SRSF7: variants seen among roughly 807,000 people sequenced by gnomAD.
The protein encoded by SRSF7 is serine and arginine rich splicing factor 7, also known as serine/arginine-rich splicing factor 7.
In SRSF7, 15 loss-of-function variants were observed where a neutral mutation model predicts 42.2. That is an observed-to-expected ratio of 0.36 (90% confidence interval 0.24 to 0.55). The LOEUF is 0.55. Ranked by LOEUF, SRSF7 falls within the 20% of genes least tolerant of loss-of-function variation. The probability of loss-of-function intolerance (pLI) is 0.88; values close to 1 mark genes in which losing one functional copy is unlikely to be tolerated. For synonymous variants in SRSF7, 138 were observed against 107.9 expected, an observed-to-expected ratio of 1.28 and a Z score of -1.73; for missense variants, 181 against 305.9, an observed-to-expected ratio of 0.59 and a Z score of 3.04.
chr2:38,751,266 C>A lies in SRSF7; in HGVS notation c.-10G>T. The A allele has an allele frequency of 6.2e-7, 1 of 1,614,078 alleles. No homozygotes were observed. The highest frequency in any genetic ancestry group is 1.3e-5 in the African/African-American group (1 of 74,946). ...GCCCGTAACGCGACATGATGACAGA[C>A]CCGCGTGCTCGGCTCTTTAGCAAGC... On this transcript the variant is annotated 5_prime_UTR_variant, in exon 1 of 8. Transcript: ENST00000313117.
Position 38,744,778 on chromosome 2 carries a change from AACCAAC to A in SRSF7, c.*349_*354del. 4.7e-6 allele frequency: 1 copy of A among 212,850 alleles called. No individual in the cohort carries two copies. Among genetic ancestry groups the A allele is most frequent in the Non-Finnish European group, 9.4e-6 (1 of 106,028 alleles). The allele number at this position is 212,850 out of a possible 1,614,324, so 13.2% of individuals were successfully genotyped here. A position where few individuals can be genotyped will look rare whatever the true frequency, so the allele number is the denominator to read the frequency against. ...CATAGAATAGTGATGTTCAAGACTTAACCAACACCTTTCAATTCTGAATGTAGGTAT... is the reference window on the plus strand; with the variant it reads ...CATAGAATAGTGATGTTCAAGACTTAACCTTTCAATTCTGAATGTAGGTAT... On this transcript the variant is annotated 3_prime_UTR_variant, in exon 8 of 8. Transcript: ENST00000313117.
rs34560109 is a variant in SRSF7, at chr2:38,744,499, T to TCA, written c.*633_*634insTG. The TCA allele has an allele frequency of 0.98, 149,806 of 152,440 alleles. 73,617 individuals carry two copies. Among genetic ancestry groups the TCA allele is most frequent in the African/African-American group, 1 (41,351 of 41,548 alleles). 9.4% of individuals were successfully genotyped at this position (152,440 alleles called of 1,614,324 possible). A position where few individuals can be genotyped will look rare whatever the true frequency, so the allele number is the denominator to read the frequency against. ...AATTAGTATAAAGATCATCCAGAAA[T>TCA]GTTTCTATTTCTCATACATTTAATC... On this transcript the variant is annotated 3_prime_UTR_variant, in exon 8 of 8. Coordinates refer to ENST00000313117, the MANE Select transcript of SRSF7 (RefSeq NM_001031684.3).
chr2:38,749,849 C>A (rs1314130446), intron 2 of SRSF7, 144 bp from the exon 3 acceptor site: 4 of 1,247,600 alleles, frequency 3.2e-6, no homozygotes, highest in Non-Finnish European at 3.3e-6. Context: ...CAAGCCCTAA[C>A]TCCATCTCCG....
At chr2:38,751,205 C>A (rs753515619) in intron 1 of SRSF7, 24 bp downstream of exon 1, 1 of 1,613,892 alleles carries the variant, frequency 6.2e-7, no homozygotes, top group South Asian at 1.1e-5. Flanking sequence ...CACCAACGTC[C>A]CTCACCGGAC....
At chr2:38,750,656 T>C (rs1668184648) in intron 1 of SRSF7, among the ~76,000 whole-genome samples, 1 of 149,816 alleles carries the variant, frequency 6.7e-6, no homozygotes, top group African/African-American at 2.5e-5. Context: ...AGACTCCAGC[T>C]CCCCGCCCCA....
At chr2:38,748,523 G>A in intron 4 of SRSF7, 56 bp downstream of exon 4, 1 of 1,541,008 alleles carries the variant, frequency 6.5e-7, no homozygotes, top group South Asian at 1.1e-5. Context: ...TTCTGTGTTG[G>A]ACTACCAGTG....
Position 38,743,907 on chromosome 2 carries a change from TTTTTGTACCAAGGC to T in SRSF7, c.*1212_*1225del. 2 of 151,962 alleles carry T rather than the reference TTTTTGTACCAAGGC, an allele frequency of 1.3e-5. No individual in the cohort carries two copies. Among genetic ancestry groups the T allele is most frequent in the Non-Finnish European group, 2.9e-5 (2 of 67,986 alleles). 9.4% of individuals were successfully genotyped at this position (151,962 alleles called of 1,614,324 possible). ...TCTGCGCAACCAGCAGGTTTTTTTT[TTTTTGTACCAAGGC>T]TAGAGAATGCCTGGTAAAAGCTTGA... On this transcript the variant is annotated 3_prime_UTR_variant, in exon 8 of 8. Coordinates refer to ENST00000313117, the MANE Select transcript of SRSF7 (RefSeq NM_001031684.3).
Position 38,748,610 on chromosome 2 carries a change from A to G in SRSF7, c.430T>C (p.Ser144Pro). The change falls in exon 4 of 8, where the codon TCT (serine) becomes CCT (proline). Residue 144 changes from serine (S) to proline (P), a missense_variant. By Grantham distance (74) the Ser-to-Pro change is moderately conservative. Coordinates refer to ENST00000313117, the MANE Select transcript of SRSF7 (RefSeq NM_001031684.3). ...CCCCTGCTCCTGCTGCGTGAGCGAG[A>G]GTATCGCCTTCCTCTGGATCGAGAA... is the stretch of plus-strand genomic sequence containing the variant. ...SHSRSRGRRY[S>P]RSRSRSRGRR... The G allele has an allele frequency of 6.2e-7, 1 of 1,614,240 alleles. No homozygotes were observed. Among genetic ancestry groups the G allele is most frequent in the Admixed American group, 1.7e-5 (1 of 60,028 alleles).
In SRSF7 at chr2:38,744,927, T is replaced by C; in HGVS notation, c.*206A>G. 2.1e-6 allele frequency: 1 copy of C among 477,274 alleles called. No homozygotes were observed. 29.6% of individuals were successfully genotyped at this position (477,274 alleles called of 1,614,324 possible). A position where few individuals can be genotyped will look rare whatever the true frequency, so the allele number is the denominator to read the frequency against. On this transcript the variant is annotated 3_prime_UTR_variant, in exon 8 of 8. Coordinates refer to ENST00000313117, the MANE Select transcript of SRSF7 (RefSeq NM_001031684.3). ...AAACATTTTATTTAAATGTGCCAAATAAAAACCCACATTTTCAGACCATAT... is the reference window on the plus strand; with the variant it reads ...AAACATTTTATTTAAATGTGCCAAACAAAAACCCACATTTTCAGACCATAT...
In SRSF7 at chr2:38,751,286, G is replaced by A; in HGVS notation, c.-30C>T. The A allele has an allele frequency of 3.7e-6, 6 of 1,613,930 alleles. No individual in the cohort carries two copies. The East Asian group carries it at 1.3e-4, about 36-fold the overall frequency. ...ACAGACCCGCGTGCTCGGCTCTTTA[G>A]CAAGCAGCGCCCAGGGCTCGAGTGA... is the stretch of plus-strand genomic sequence containing the variant. On this transcript the variant is annotated 5_prime_UTR_variant, in exon 1 of 8. Coordinates refer to ENST00000313117, the MANE Select transcript of SRSF7 (RefSeq NM_001031684.3).
chr2:38,749,993 G>A (rs372033881), intron 2 of SRSF7, 21 bp downstream of exon 2: 8 of 1,589,974 alleles, frequency 5.0e-6, no homozygotes, highest in South Asian at 1.1e-5. Flanking sequence ...ATGAACAGAA[G>A]ATTCATAACA....
intron 5 of SRSF7, chr2:38,747,242 T>A (rs955561443): frequency 3.0e-5 from 10 of 338,780 alleles, no homozygotes; most frequent in Admixed American, 1.8e-4. Flanking sequence ...TGGATCAAGT[T>A]ATGTTTGAGA....
At chr2:38,751,476 G>A (rs1201989484), upstream of SRSF7, 6 of 603,666 alleles carry the variant, frequency 9.9e-6, no homozygotes, top group East Asian at 5.9e-5. Context: ...GAAACGACGC[G>A]GAAGGAACTG....
chr2:38,744,386 G>GC lies in SRSF7; in HGVS notation c.*746dup. 6.6e-6 allele frequency: 1 copy of GC among 152,668 alleles called. No homozygotes were observed. The highest frequency in any genetic ancestry group is 2.1e-4 in the South Asian group (1 of 4,820). 9.5% of individuals were successfully genotyped at this position (152,668 alleles called of 1,614,324 possible). A position where few individuals can be genotyped will look rare whatever the true frequency, so the allele number is the denominator to read the frequency against. ...TAAAACTGGTTAACTAATGTAGAAA[G>GC]CAAAGAAACAAGACCATTGAGAGTA... On this transcript the variant is annotated 3_prime_UTR_variant, in exon 8 of 8. Transcript: ENST00000313117.
intron 4 of SRSF7, 76 bp from the exon 5 acceptor site, chr2:38,748,233 G>T: frequency 9.1e-7 from 1 of 1,101,260 alleles, no homozygotes; most frequent in Non-Finnish European, 1.3e-6. Flanking sequence ...CTGGGGAACG[G>T]TGCAGTGGCT....
Position 38,744,933 on chromosome 2 carries a change from C to G in SRSF7, c.*200G>C. On this transcript the variant is annotated 3_prime_UTR_variant, in exon 8 of 8. Coordinates refer to ENST00000313117, the MANE Select transcript of SRSF7 (RefSeq NM_001031684.3). ...TTTATTTAAATGTGCCAAATAAAAA[C>G]CCACATTTTCAGACCATATGATGTT... 571 of 476,016 alleles carry G rather than the reference C, an allele frequency of 1.2e-3. 4 individuals carry two copies. Among genetic ancestry groups the G allele is most frequent in the African/African-American group, 0.01 (517 of 50,904 alleles). 29.5% of individuals were successfully genotyped at this position (476,016 alleles called of 1,614,324 possible).
At position 38,750,886 on chromosome 2, in the gene SRSF7, T is replaced by C. The variant is rs1668232329; in HGVS notation, c.28+343A>G. 1.4e-4 allele frequency: 49 copies of C among 339,122 alleles called. 2 individuals are homozygous for C. Among genetic ancestry groups the C allele is most frequent in the South Asian group, 1.3e-3 (47 of 35,184 alleles). The allele number at this position is 339,122 out of a possible 1,614,324, so 21.0% of individuals were successfully genotyped here. A position where few individuals can be genotyped will look rare whatever the true frequency, so the allele number is the denominator to read the frequency against. ...GCGCTGAGGAAATGCGCCACCACGGTCCTCAATGTGCGCAAAATGGCAGCC... is the reference window on the plus strand; with the variant it reads ...GCGCTGAGGAAATGCGCCACCACGGCCCTCAATGTGCGCAAAATGGCAGCC... On this transcript the variant is annotated intron_variant, in intron 1 of 7. Transcript: ENST00000313117.
intron 3 of SRSF7, chr2:38,748,872 C>T: frequency 7.3e-7 from 1 of 1,374,716 alleles, no homozygotes; most frequent in African/African-American, 1.5e-5. Context: ...TAATATAAAA[C>T]ACTGTAATGT....
intron 7 of SRSF7, among the ~76,000 whole-genome samples, chr2:38,745,680 C>A (rs546765122): frequency 6.6e-6 from 1 of 152,122 alleles, no homozygotes; most frequent in East Asian, 1.9e-4. Flanking sequence ...ATTAGGCTAT[C>A]CTCCTTGTCA....
Sources: gnomAD v4.1 joint callset for allele counts (sites outside exome capture counted in the v4.1 genomes callset) on GRCh38, gnomAD v4.1.1 for gene constraint, MANE v1.5 for transcripts, NCBI Gene and HGNC (gene_info 2026-07-23, HGNC 2026-07-21) for gene names.